Variants in CCBE1 observed in about 807,000 individuals in gnomAD.
CCBE1 encodes collagen and calcium binding EGF domains 1.
A neutral mutation model predicts 50.0 loss-of-function variants in CCBE1; 37 were observed. The observed-to-expected ratio is 0.74, with a 90% CI of 0.57 to 0.97. The LOEUF is 0.97. Among genes scored for constraint, CCBE1 ranks in the 50% least tolerant of loss-of-function variants. The pLI is 0.00. For synonymous variants in CCBE1, 234 were observed against 203.7 expected, an observed-to-expected ratio of 1.15 and a Z score of -1.27; for missense variants, 538 against 523.8, an observed-to-expected ratio of 1.03 and a Z score of -0.26.
chr18:59,484,712 T>C (rs1340752546), intron 2 of CCBE1, among the ~76,000 whole-genome samples: 3 of 152,220 alleles, frequency 2.0e-5, no homozygotes, highest in Middle Eastern at 3.2e-3. Flanking sequence ...CGTTTTTTAA[T>C]TGCATAACTG....
At chr18:59,494,820 G>T (rs947897918) in intron 2 of CCBE1, among the ~76,000 whole-genome samples, 1 of 152,136 alleles carries the variant, frequency 6.6e-6, no homozygotes, top group Non-Finnish European at 1.5e-5. Flanking sequence ...CTCTAGCGAC[G>T]ACCTGCAGCA....
At chr18:59,597,145 T>G (rs1295693203) in intron 2 of CCBE1, among the ~76,000 whole-genome samples, 1 of 152,174 alleles carries the variant, frequency 6.6e-6, no homozygotes, top group Non-Finnish European at 1.5e-5. Context: ...GGCTTAAATC[T>G]CAGCTCTGCC....
At chr18:59,538,994 A>G (rs1476658082) in intron 2 of CCBE1, among the ~76,000 whole-genome samples, 2 of 152,020 alleles carry the variant, frequency 1.3e-5, no homozygotes, top group Non-Finnish European at 2.9e-5. Context: ...CCTGGGCAAC[A>G]TATCAAGATA....
intron 2 of CCBE1, among the ~76,000 whole-genome samples, chr18:59,582,857 G>T (rs1160405861): frequency 6.6e-6 from 1 of 152,150 alleles, no homozygotes; most frequent in Non-Finnish European, 1.5e-5. Context: ...CTGTCACCCA[G>T]GCTGAAGTGC....
chr18:59,512,010 G>A (rs575727587), intron 2 of CCBE1, among the ~76,000 whole-genome samples: 23 of 145,630 alleles, frequency 1.6e-4, no homozygotes, highest in Non-Finnish European at 3.4e-4. Context: ...GGGCTTAATA[G>A]TTCCTCTGTA....
chr18:59,579,762 C>G lies in CCBE1; in HGVS notation c.213-99524G>C, dbSNP rs150909893. Among the ~76,000 whole-genome samples the G allele has an allele frequency of 6.5e-3, 989 of 152,306 alleles. 3 individuals carry two copies. Among genetic ancestry groups the G allele is most frequent in the African/African-American group, 0.023 (957 of 41,570 alleles). On this transcript the variant is annotated intron_variant, in intron 2 of 10. Coordinates refer to ENST00000439986, the MANE Select transcript of CCBE1 (RefSeq NM_133459.4). ...AGATCTGTCCTGGACTGTCCCTGAA[C>G]AGCAGCATTCAATTCCTTGTCTCAG...
chr18:59,498,495 G>A (rs1187348188), intron 2 of CCBE1, among the ~76,000 whole-genome samples: 1 of 152,124 alleles, frequency 6.6e-6, no homozygotes, highest in Admixed American at 6.5e-5. Flanking sequence ...AACAGTAACA[G>A]CTGAATTTCT....
intron 2 of CCBE1, among the ~76,000 whole-genome samples, chr18:59,559,665 G>A (rs1234297938): frequency 2.6e-5 from 4 of 152,238 alleles, no homozygotes; most frequent in South Asian, 2.1e-4. Flanking sequence ...AAGACCACGT[G>A]TGGACTTGGG....
rs1452882014 is a variant in CCBE1, at chr18:59,560,370, G to A, written c.213-80132C>T. The stretch of plus-strand genomic sequence containing the variant: ...GGGAACAGGAAACTAAACACCGCAT[G>A]TTCTCACTCATAAGTGGGAGTTGAA... On this transcript the variant is annotated intron_variant, in intron 2 of 10. Coordinates refer to ENST00000439986, the MANE Select transcript of CCBE1 (RefSeq NM_133459.4). Among the ~76,000 whole-genome samples, 7 of 152,306 alleles carry A rather than the reference G, an allele frequency of 4.6e-5. No homozygotes were observed. In the East Asian group the frequency reaches 7.7e-4, roughly 17 times the overall value.
At chr18:59,440,485 A>G (rs1306226283) in intron 7 of CCBE1, among the ~76,000 whole-genome samples, 1 of 152,110 alleles carries the variant, frequency 6.6e-6, no homozygotes, top group Non-Finnish European at 1.5e-5. Flanking sequence ...TTCTGCCCCG[A>G]ACCAGTCTTT....
At chr18:59,697,447 G>A (rs868459698), upstream of CCBE1, 11 of 1,441,154 alleles carry the variant, frequency 7.6e-6, no homozygotes, top group Middle Eastern at 1.2e-3. Flanking sequence ...GGGGGCGCCG[G>A]AGAGCAGGGG....
At chr18:59,636,108 A>G (rs2053912704) in intron 2 of CCBE1, among the ~76,000 whole-genome samples, 1 of 152,106 alleles carries the variant, frequency 6.6e-6, no homozygotes, top group South Asian at 2.1e-4. Flanking sequence ...AGCCATGATC[A>G]TGCCAACACA....
intron 2 of CCBE1, among the ~76,000 whole-genome samples, chr18:59,678,357 A>G (rs1282366472): frequency 6.6e-6 from 1 of 152,162 alleles, no homozygotes; most frequent in Non-Finnish European, 1.5e-5. Context: ...TGCAATTTAA[A>G]TAATATTTTA....
rs373054979 is a variant in CCBE1, at chr18:59,522,518, G to A, written c.213-42280C>T. Among the ~76,000 whole-genome samples, 8 of 152,302 alleles carry A rather than the reference G, an allele frequency of 5.3e-5. No homozygotes were observed. In the East Asian group the frequency reaches 1.2e-3, roughly 22 times the overall value. ...ATTTTTGGAGAATTAGTGCGTGACT[G>A]GGATCATAGTGGTGGTGGGTTAAAT... On this transcript the variant is annotated intron_variant, in intron 2 of 10. Coordinates refer to ENST00000439986, the MANE Select transcript of CCBE1 (RefSeq NM_133459.4).
chr18:59,473,771 C>T (rs1282748649), intron 3 of CCBE1, among the ~76,000 whole-genome samples: 2 of 100,270 alleles, frequency 2.0e-5, no homozygotes, highest in African/African-American at 3.8e-5. Flanking sequence ...CCAACCTTCC[C>T]ACTATTTCCT....
intron 2 of CCBE1, among the ~76,000 whole-genome samples, chr18:59,606,344 T>C (rs1263581031): frequency 1.3e-5 from 2 of 152,142 alleles, no homozygotes; most frequent in Admixed American, 6.5e-5. Flanking sequence ...ACAAAGACAA[T>C]GTCCACATGG....
intron 5 of CCBE1, among the ~76,000 whole-genome samples, chr18:59,456,824 G>A (rs970099095): frequency 6.6e-6 from 1 of 152,136 alleles, no homozygotes; most frequent in Non-Finnish European, 1.5e-5. Flanking sequence ...AGGTGAGCAG[G>A]CCCAGAGGCA....
At chr18:59,530,394 A>G (rs1353284013) in intron 2 of CCBE1, among the ~76,000 whole-genome samples, 1 of 152,180 alleles carries the variant, frequency 6.6e-6, no homozygotes, top group Admixed American at 6.5e-5. Flanking sequence ...TAATATTTAG[A>G]TCGCCTCAAT....
chr18:59,506,924 T>C (rs1913903440), intron 2 of CCBE1, among the ~76,000 whole-genome samples: 1 of 152,226 alleles, frequency 6.6e-6, no homozygotes, highest in Non-Finnish European at 1.5e-5. Flanking sequence ...CCATTCTCTG[T>C]CCTGTACTGG....
Sources: allele counts gnomAD v4.1 joint callset (sites outside exome capture counted in the v4.1 genomes callset), GRCh38; gene constraint gnomAD v4.1.1; transcripts MANE v1.5; gene names NCBI Gene and HGNC (gene_info 2026-07-23, HGNC 2026-07-21).